PLPPR4: variants seen among roughly 807,000 people sequenced by gnomAD.
PLPPR4 encodes the protein phospholipid phosphatase-related protein type 4.
PLPPR4 carries 24 observed loss-of-function variants against 56.6 expected under a neutral mutation model. That is an observed-to-expected ratio of 0.42 (90% confidence interval 0.31 to 0.60). The LOEUF (loss-of-function observed/expected upper bound fraction) is 0.60, where lower values mean the gene tolerates loss of function less well. Among genes scored for constraint, PLPPR4 ranks in the 20% least tolerant of loss-of-function variants. The pLI, the probability that PLPPR4 is intolerant of heterozygous loss-of-function variation, is 0.13. For synonymous variants in PLPPR4, 326 were observed against 328.1 expected, an observed-to-expected ratio of 0.99 and a Z score of 0.07; for missense variants, 654 against 885.8, an observed-to-expected ratio of 0.74 and a Z score of 3.32.
At chr1:99,285,584 A>G (rs1465529267) in intron 1 of PLPPR4, among the ~76,000 whole-genome samples, 2 of 152,200 alleles carry the variant, frequency 1.3e-5, no homozygotes, top group Non-Finnish European at 2.9e-5. Context: ...TCTGAAAAAC[A>G]GAAAGATTAT....
At chr1:99,304,697 C>T (rs1405287136) in intron 6 of PLPPR4, among the ~76,000 whole-genome samples, 2 of 152,166 alleles carry the variant, frequency 1.3e-5, no homozygotes, top group African/African-American at 4.8e-5. Flanking sequence ...TAAGCCAATG[C>T]TTTGTTCATT....
chr1:99,294,931 T>A (rs986661342), intron 2 of PLPPR4, among the ~76,000 whole-genome samples: 1 of 152,194 alleles, frequency 6.6e-6, no homozygotes, highest in Non-Finnish European at 1.5e-5. Flanking sequence ...CTGAATACAA[T>A]ACATTTCAAG....
rs183583001 is a variant in PLPPR4, at chr1:99,305,480, A to G, written c.823-205A>G. Among the ~76,000 whole-genome samples the G allele has an allele frequency of 1.3e-3, 204 of 152,346 alleles. 1 individual carries two copies. Among genetic ancestry groups the G allele is most frequent in the Non-Finnish European group, 1.9e-3 (131 of 68,030 alleles). The stretch of plus-strand genomic sequence containing the variant: ...GGATGGAGAAAAGAATGGGGTTCAC[A>G]TTGCTGAGCAATTCATGCAGCGATT... On this transcript the variant is annotated intron_variant, in intron 6 of 6. Coordinates refer to ENST00000370185, the MANE Select transcript of PLPPR4 (RefSeq NM_014839.5).
intron 1 of PLPPR4, among the ~76,000 whole-genome samples, chr1:99,266,462 T>C (rs1191860838): frequency 6.6e-6 from 1 of 152,240 alleles, no homozygotes; most frequent in African/African-American, 2.4e-5. Flanking sequence ...CCGGAGTACA[T>C]GTCCCTTAAG....
intron 1 of PLPPR4, among the ~76,000 whole-genome samples, chr1:99,277,283 T>C (rs1345258236): frequency 6.6e-6 from 1 of 152,192 alleles, no homozygotes; most frequent in East Asian, 1.9e-4. Flanking sequence ...TACTTGTTTA[T>C]TTTTGTCCAT....
chr1:99,287,058 G>C (rs973912462), intron 1 of PLPPR4, among the ~76,000 whole-genome samples: 3 of 152,192 alleles, frequency 2.0e-5, no homozygotes, highest in African/African-American at 4.8e-5. Flanking sequence ...CCCCCAACAT[G>C]CCCTGGTGTG....
intron 1 of PLPPR4, among the ~76,000 whole-genome samples, chr1:99,274,022 T>C (rs1659122080): frequency 6.6e-6 from 1 of 152,088 alleles, no homozygotes; most frequent in South Asian, 2.1e-4. Flanking sequence ...GTTTGAGATT[T>C]GAAATTTCAA....
At chr1:99,285,905 T>G (rs896783447) in intron 1 of PLPPR4, among the ~76,000 whole-genome samples, 13 of 152,194 alleles carry the variant, frequency 8.5e-5, no homozygotes, top group African/African-American at 3.1e-4. Context: ...AGGTTAAGCA[T>G]GTGTGATATT....
chr1:99,278,816 T>C (rs564321131), intron 1 of PLPPR4, among the ~76,000 whole-genome samples: 1 of 151,922 alleles, frequency 6.6e-6, no homozygotes, highest in South Asian at 2.1e-4. Flanking sequence ...TGTAGTTTCA[T>C]ATTCAGGTAT....
intron 2 of PLPPR4, among the ~76,000 whole-genome samples, chr1:99,289,918 C>A (rs1659572574): frequency 6.6e-6 from 1 of 152,034 alleles, no homozygotes; most frequent in Non-Finnish European, 1.5e-5. Flanking sequence ...TCCTATTCAA[C>A]CTAGTATTAA....
Position 99,306,766 on chromosome 1 carries a change from G to A in PLPPR4, c.1904G>A (p.Gly635Glu), listed in dbSNP as rs770613751. 1.2e-6 allele frequency: 2 copies of A among 1,614,046 alleles called. No individual in the cohort carries two copies. The highest frequency in any genetic ancestry group is 1.1e-5 in the South Asian group (1 of 91,066). ...TCTCTGAAAGACAGCTTTGGTTCTGGAGATCGCAAGAGAAGCAACATTGAT... is the reference window on the plus strand; with the variant it reads ...TCTCTGAAAGACAGCTTTGGTTCTGAAGATCGCAAGAGAAGCAACATTGAT... Reference protein sequence around the residue: ...CESLKDSFGSGDRKRSNIDSN... With the variant: ...CESLKDSFGSEDRKRSNIDSN... The change falls in exon 7 of 7, where the codon GGA becomes GAA. Residue 635 changes from glycine to glutamate, a missense_variant. Physicochemically the swap from Gly to Glu is moderately conservative, Grantham distance 98. Around this residue, in one of 2 missense-constraint regions of PLPPR4, gnomAD observed 468 missense variants for 554.3 expected, o/e 0.84. Transcript: ENST00000370185. This position sits in a 1 kb window ranked among gnomAD's most constrained non-coding sequence, Gnocchi z 4.0.
rs1660056633 is a variant in PLPPR4 at position 99,307,326 on chromosome 1, T to C, written c.*316T>C. ...TTCAAATGTATACTATTTTACTTCC[T>C]GAATGTGCCAACTTTGGGGATTTTT... is the stretch of plus-strand genomic sequence containing the variant. On this transcript the variant is annotated 3_prime_UTR_variant, in exon 7 of 7. Coordinates refer to ENST00000370185, the MANE Select transcript of PLPPR4 (RefSeq NM_014839.5). The C allele has an allele frequency of 7.4e-6, 2 of 271,924 alleles. No individual in the cohort carries two copies. The highest frequency in any genetic ancestry group is 4.4e-5 in the African/African-American group (2 of 45,660). 16.8% of individuals were successfully genotyped at this position (271,924 alleles called of 1,614,324 possible).
At position 99,299,132 on chromosome 1, in the gene PLPPR4, A is replaced by G. The variant is rs1659819085; in HGVS notation, c.492A>G (p.Lys164=). The change falls in exon 4 of 7, where the codon AAA becomes AAG. Residue 164 remains lysine, a synonymous_variant. Transcript: ENST00000370185. ...CACCTTACTTTCTGACTGTGTGCAA[A>G]CCAAACTATACCTCTCTGAATGTAT... ...YQAPYFLTVC[K]PNYTSLNVSC... 6.2e-7 allele frequency: 1 copy of G among 1,613,294 alleles called. No individual in the cohort carries two copies. The highest frequency in any genetic ancestry group is 8.5e-7 in the Non-Finnish European group (1 of 1,179,488).
At chr1:99,295,929 G>A (rs111629729) in intron 2 of PLPPR4, among the ~76,000 whole-genome samples, 2 of 152,106 alleles carry the variant, frequency 1.3e-5, no homozygotes, top group Non-Finnish European at 2.9e-5. Flanking sequence ...CCACATAGAC[G>A]GAGATGTGAT....
intron 3 of PLPPR4, 154 bp from the exon 4 acceptor site, chr1:99,298,881 A>T (rs911740065): frequency 5.7e-6 from 4 of 704,670 alleles, no homozygotes; most frequent in African/African-American, 5.4e-5. Flanking sequence ...ATCTGTTTAG[A>T]AGTTTAGGAA....
chr1:99,279,000 G>A (rs1324488463), intron 1 of PLPPR4, among the ~76,000 whole-genome samples: 1 of 152,110 alleles, frequency 6.6e-6, no homozygotes, highest in Non-Finnish European at 1.5e-5. Flanking sequence ...TTTTCTTGTG[G>A]TAGAATAAAT....
At chr1:99,284,861 A>C (rs1216933426) in intron 1 of PLPPR4, among the ~76,000 whole-genome samples, 1 of 152,200 alleles carries the variant, frequency 6.6e-6, no homozygotes, top group African/African-American at 2.4e-5. Flanking sequence ...CAACATAGAA[A>C]TCAGTACGAT....
chr1:99,271,904 G>A (rs962203115), intron 1 of PLPPR4, among the ~76,000 whole-genome samples: 24 of 82,008 alleles, frequency 2.9e-4, no homozygotes, highest in Admixed American at 7.6e-4. Context: ...AGTGAAGTGT[G>A]TGTGTGTGTG....
chr1:99,304,133 AATG>A (rs1027432675), intron 6 of PLPPR4, among the ~76,000 whole-genome samples: 1 of 152,232 alleles, frequency 6.6e-6, no homozygotes, highest in African/African-American at 2.4e-5. Flanking sequence ...TGTGTCACAT[AATG>A]ATATTTTGGT....
Sources: allele counts gnomAD v4.1 joint callset (sites outside exome capture counted in the v4.1 genomes callset), GRCh38; gene constraint gnomAD v4.1.1; regional missense constraint gnomAD v4.1.1; non-coding constraint Gnocchi (gnomAD v3.1); transcripts MANE v1.5; gene names NCBI Gene and HGNC (gene_info 2026-07-23, HGNC 2026-07-21).